BBS9: variants seen among roughly 807,000 people sequenced by gnomAD.
BBS9 encodes the protein Bardet-Biedl syndrome 9.
Under a neutral mutation model 117.7 loss-of-function variants are expected in BBS9, and 89 were observed. The observed-to-expected ratio is 0.76, with a 90% CI of 0.64 to 0.90. The LOEUF is 0.90. Ranked by LOEUF, BBS9 falls within the 40% of genes least tolerant of loss-of-function variation. The probability of loss-of-function intolerance (pLI) is 0.00; values close to 1 mark genes in which losing one functional copy is unlikely to be tolerated. For synonymous variants in BBS9, 379 were observed against 370.9 expected (o/e 1.02, Z -0.25); for missense variants, 982 against 1,042.2 (o/e 0.94, Z 0.80).
intron 9 of BBS9, among the ~76,000 whole-genome samples, chr7:33,324,473 A>G (rs987662284): frequency 6.6e-6 from 1 of 152,144 alleles, no homozygotes; most frequent in Non-Finnish European, 1.5e-5. Context: ...TTCATCTTTT[A>G]GTCTTCTTAC....
chr7:33,306,654 T>A (rs1327774563), intron 9 of BBS9, among the ~76,000 whole-genome samples: 1 of 152,096 alleles, frequency 6.6e-6, no homozygotes, highest in Non-Finnish European at 1.5e-5. Flanking sequence ...AAAGGTTATG[T>A]TGTGAAAAAT....
chr7:33,148,575 C>G (rs12674040), intron 2 of BBS9, among the ~76,000 whole-genome samples: 24,570 of 151,698 alleles, frequency 0.16, 2,130 homozygotes, highest in South Asian at 0.22. Flanking sequence ...GTTGGCCAGG[C>G]TGGTCGCGAA....
Position 33,264,316 on chromosome 7 carries a change from A to G in BBS9, c.644A>G (p.Asp215Gly). The G allele has an allele frequency of 6.4e-7, 1 of 1,562,524 alleles. No individual in the cohort carries two copies. Among genetic ancestry groups the G allele is most frequent in the South Asian group, 1.3e-5 (1 of 77,868 alleles). ...TACCAGGTACTTGCTTTTGCAACAG[A>G]TGCAGATAAAAGGCAGGAGACTGAA... ...YKYQVLAFAT[D>G]ADKRQETEQQ... The change falls in exon 7 of 23, where the codon GAT (aspartate) becomes GGT (glycine). Residue 215 changes from aspartate (D) to glycine (G), a missense_variant. Physicochemically the swap from Asp to Gly is moderately conservative, Grantham distance 94. Coordinates refer to ENST00000242067, the MANE Select transcript of BBS9 (RefSeq NM_198428.3).
intron 5 of BBS9, among the ~76,000 whole-genome samples, chr7:33,242,781 T>C (rs1418042511): frequency 3.9e-5 from 6 of 152,188 alleles, no homozygotes; most frequent in Non-Finnish European, 1.5e-5. Flanking sequence ...TATAAGCATA[T>C]AAAATGCTAT....
At chr7:33,508,537 G>T (rs970884941) in intron 20 of BBS9, among the ~76,000 whole-genome samples, 4 of 152,214 alleles carry the variant, frequency 2.6e-5, no homozygotes, top group African/African-American at 9.6e-5. Flanking sequence ...CAGAGCTCAT[G>T]GGGCTACATG....
At chr7:33,284,989 T>G (rs1453389113) in intron 9 of BBS9, among the ~76,000 whole-genome samples, 1 of 152,196 alleles carries the variant, frequency 6.6e-6, no homozygotes, top group South Asian at 2.1e-4. Flanking sequence ...GAAACATGTT[T>G]ATAGTGTTTA....
intron 11 of BBS9, among the ~76,000 whole-genome samples, chr7:33,342,588 C>T (rs564719808): frequency 1.3e-5 from 2 of 152,234 alleles, no homozygotes; most frequent in South Asian, 4.1e-4. Context: ...GTAGGTGTCT[C>T]TTTCCAGCTT....
chr7:33,626,846 G>A (rs994150676), intron 21 of BBS9, among the ~76,000 whole-genome samples: 2 of 152,236 alleles, frequency 1.3e-5, no homozygotes, highest in African/African-American at 4.8e-5. Flanking sequence ...TGAGCAAAGA[G>A]ATGTCCTGAA....
chr7:33,224,071 T>C (rs1178046847), intron 5 of BBS9, among the ~76,000 whole-genome samples: 1 of 152,228 alleles, frequency 6.6e-6, no homozygotes, highest in Non-Finnish European at 1.5e-5. Context: ...GTGGGAATTT[T>C]GTGATTAGTC....
chr7:33,433,213 A>G lies in BBS9; in HGVS notation c.2115+45069A>G, dbSNP rs539596942. 7.2e-5 allele frequency among the ~76,000 whole-genome samples: 11 copies of G among 152,296 alleles called. No homozygotes were observed. In the South Asian group the frequency reaches 2.3e-3, roughly 32 times the overall value. On this transcript the variant is annotated intron_variant, in intron 19 of 22. Transcript: ENST00000242067. ...CAGAGATAGGCAATTAAAATTTTGC[A>G]TTTGCTGGTATCACAAGTCTTTCGT... is the stretch of plus-strand genomic sequence containing the variant.
intron 17 of BBS9, among the ~76,000 whole-genome samples, chr7:33,368,282 A>C (rs3823763): frequency 0.42 from 63,771 of 151,938 alleles, 13,558 homozygotes; most frequent in East Asian, 0.47. Context: ...TTGTTTATTC[A>C]TTTTGGACAT....
At chr7:33,290,977 C>A (rs1803933296) in intron 9 of BBS9, among the ~76,000 whole-genome samples, 2 of 152,086 alleles carry the variant, frequency 1.3e-5, no homozygotes, top group Non-Finnish European at 2.9e-5. Context: ...ATGCTAATTT[C>A]AGTTCAGTAA....
intron 5 of BBS9, among the ~76,000 whole-genome samples, chr7:33,206,712 T>C: frequency 6.6e-6 from 1 of 152,154 alleles, no homozygotes; most frequent in East Asian, 1.9e-4. Flanking sequence ...ATATAACATT[T>C]TTATCTACTG....
intron 5 of BBS9, among the ~76,000 whole-genome samples, chr7:33,185,311 A>G (rs1277284743): frequency 1.3e-5 from 2 of 151,824 alleles, no homozygotes; most frequent in African/African-American, 4.8e-5. Flanking sequence ...CCCAGTCCCT[A>G]TTCACGGTGG....
chr7:33,573,891 G>A (rs1358803864), intron 21 of BBS9, among the ~76,000 whole-genome samples: 3 of 152,096 alleles, frequency 2.0e-5, no homozygotes, highest in Admixed American at 1.3e-4. Flanking sequence ...CATTTCACAT[G>A]TACAAGGCTA....
intron 4 of BBS9, among the ~76,000 whole-genome samples, chr7:33,171,916 C>G (rs1796636803): frequency 6.6e-6 from 1 of 152,078 alleles, no homozygotes; most frequent in Non-Finnish European, 1.5e-5. Context: ...CAAGGCCTCT[C>G]TGAGTCCTGA....
chr7:33,194,822 G>A (rs1389589901), intron 5 of BBS9, among the ~76,000 whole-genome samples: 4 of 152,140 alleles, frequency 2.6e-5, no homozygotes, highest in Admixed American at 2.0e-4. Context: ...TATCTAGCAG[G>A]AATTTTTATA....
chr7:33,453,283 C>G (rs185666895), intron 19 of BBS9, among the ~76,000 whole-genome samples: 2 of 152,254 alleles, frequency 1.3e-5, no homozygotes, highest in African/African-American at 4.8e-5. Context: ...ACTAAATGGC[C>G]TTTGCTCTGC....
intron 5 of BBS9, among the ~76,000 whole-genome samples, chr7:33,234,508 T>C (rs1192789099): frequency 1.3e-5 from 2 of 152,124 alleles, no homozygotes; most frequent in East Asian, 3.9e-4. Context: ...ATTTAAGATT[T>C]ACCCTCTTAG....
Sources: gnomAD v4.1 joint callset for allele counts (sites outside exome capture counted in the v4.1 genomes callset) on GRCh38, gnomAD v4.1.1 for gene constraint, MANE v1.5 for transcripts, NCBI Gene and HGNC (gene_info 2026-07-23, HGNC 2026-07-21) for gene names.